NCOA3: variants seen among roughly 807,000 people sequenced by gnomAD.
NCOA3 encodes CBP-interacting protein.
A neutral mutation model predicts 158.8 loss-of-function variants in NCOA3; 51 were observed. The observed-to-expected ratio is 0.32, with a 90% CI of 0.26 to 0.41. The LOEUF is 0.41. Among genes scored for constraint, NCOA3 ranks in the 10% least tolerant of loss-of-function variants. NCOA3 has a pLI of 1.00. For missense variants in NCOA3, 1,510 were observed against 1,746.6 expected, an observed-to-expected ratio of 0.86 and a Z score of 2.41; for synonymous variants, 537 against 592.4, an observed-to-expected ratio of 0.91 and a Z score of 1.36.
In NCOA3 at chr20:47,527,114, A is replaced by G. The variant is rs544420977; in HGVS notation, c.-99+25095A>G. Among the ~76,000 whole-genome samples the G allele has an allele frequency of 9.8e-5, 15 of 152,342 alleles. No homozygotes were observed. The South Asian group carries it at 2.3e-3, about 23-fold the overall frequency. ...TTATGTAGTTTGCTTAGGATTGTAT[A>G]TATAGGTGATCATGTCTGTGAATAA... On this transcript the variant is annotated intron_variant, in intron 1 of 22. Coordinates refer to ENST00000371998, the MANE Select transcript of NCOA3 (RefSeq NM_181659.3).
chr20:47,515,587 C>T (rs1009731231), intron 1 of NCOA3, among the ~76,000 whole-genome samples: 4 of 149,448 alleles, frequency 2.7e-5, no homozygotes, highest in South Asian at 2.1e-4. Flanking sequence ...TGGGTTTAAG[C>T]GATTCTTATG....
At chr20:47,525,624 A>G (rs1261864550) in intron 1 of NCOA3, among the ~76,000 whole-genome samples, 1 of 89,136 alleles carries the variant, frequency 1.1e-5, no homozygotes. Context: ...TGACCCCCCC[A>G]CCTCCCTCCC....
chr20:47,502,469 C>G (rs897434164), intron 1 of NCOA3, among the ~76,000 whole-genome samples: 17 of 152,132 alleles, frequency 1.1e-4, no homozygotes, highest in South Asian at 2.1e-4. Flanking sequence ...CCGCGGGGAC[C>G]CCCCCCACCC....
chr20:47,553,804 G>A (rs1345753029), intron 1 of NCOA3, among the ~76,000 whole-genome samples: 1 of 152,082 alleles, frequency 6.6e-6, no homozygotes, highest in Admixed American at 6.6e-5. Context: ...GTCACTGTTG[G>A]ACATTTGGGT....
intron 1 of NCOA3, among the ~76,000 whole-genome samples, chr20:47,511,550 T>TATATATATATATATATACATATACATAC: frequency 1.9e-5 from 1 of 52,270 alleles, no homozygotes; most frequent in Non-Finnish European, 4.0e-5. Context: ...TATATATATA[T>TATATATATATATATATACATATACATAC]ATATATTTCT....
In NCOA3 at chr20:47,627,569, G is replaced by A. The variant is rs370243185; in HGVS notation, c.541G>A (p.Val181Ile). The change falls in exon 7 of 23, where the codon GTT becomes ATT. Residue 181 changes from valine (V) to isoleucine (I), a missense_variant. Physicochemically the swap from Val to Ile is conservative, Grantham distance 29. Around this residue, in one of 4 missense-constraint regions of NCOA3, gnomAD observed 309 missense variants for 427.1 expected, o/e 0.72. Transcript: ENST00000371998. ...CAATTTGTTTTCCAAAGTTAATGGA[G>A]TTTCCTGGACAAATGAGACCCAAAG... ...KNLPKSTVNG[V>I]SWTNETQRQK... 1.9e-6 allele frequency: 3 copies of A among 1,601,644 alleles called. No homozygotes were observed. In the African/African-American group the frequency reaches 4.0e-5, roughly 22 times the overall value.
intron 11 of NCOA3, 63 bp downstream of exon 11, chr20:47,635,776 C>G (rs2086502968): frequency 1.3e-6 from 2 of 1,501,628 alleles, no homozygotes; most frequent in East Asian, 4.6e-5. Context: ...TTCCATACTA[C>G]TATAATTCTT....
chr20:47,516,175 G>A (rs1602328371), intron 1 of NCOA3, among the ~76,000 whole-genome samples: 1 of 152,274 alleles, frequency 6.6e-6, no homozygotes, highest in African/African-American at 2.4e-5. Context: ...AAACTCTAAT[G>A]TGAACTACAC....
At chr20:47,614,061 G>C (rs2086091099) in intron 2 of NCOA3, among the ~76,000 whole-genome samples, 1 of 103,682 alleles carries the variant, frequency 9.6e-6, no homozygotes. Context: ...TTTTATAACA[G>C]TTCCACGTTA....
At chr20:47,551,303 G>A (rs1442540719) in intron 1 of NCOA3, among the ~76,000 whole-genome samples, 1 of 152,092 alleles carries the variant, frequency 6.6e-6, no homozygotes, top group Non-Finnish European at 1.5e-5. Flanking sequence ...CTTCTGGTAG[G>A]TACTTGAGCA....
At chr20:47,565,568 T>G (rs572148998) in intron 1 of NCOA3, among the ~76,000 whole-genome samples, 12 of 152,062 alleles carry the variant, frequency 7.9e-5, no homozygotes, top group Middle Eastern at 6.8e-3. Flanking sequence ...CCACAAAAAT[T>G]AGCTGGGCAT....
In NCOA3 at chr20:47,637,662, G is replaced by C; in HGVS notation, c.2391G>C (p.Leu797Phe). 1.2e-6 allele frequency: 2 copies of C among 1,604,146 alleles called. No homozygotes were observed. The highest frequency in any genetic ancestry group is 1.7e-6 in the Non-Finnish European group (2 of 1,176,382). The change falls in exon 13 of 23, where the codon TTG becomes TTC. Residue 797 changes from leucine (L) to phenylalanine (F), a missense_variant. Around this residue, in one of 4 missense-constraint regions of NCOA3, gnomAD observed 1,017 missense variants for 1,098.3 expected, o/e 0.93. Transcript: ENST00000371998. ...TTTATTTTCAGGGATCTGGAGACTT[G>C]GATAATCTAGATGCTATTCTTGGTG... Reference protein sequence around the residue: ...TETSEEGSGDLDNLDAILGDL... With the variant: ...TETSEEGSGDFDNLDAILGDL...
chr20:47,527,929 C>A (rs1240742014), intron 1 of NCOA3, among the ~76,000 whole-genome samples: 1 of 152,048 alleles, frequency 6.6e-6, no homozygotes, highest in Non-Finnish European at 1.5e-5. Flanking sequence ...TTCTCCTCCC[C>A]CTTCTGTTTT....
At chr20:47,614,655 T>A (rs2086103011) in intron 2 of NCOA3, among the ~76,000 whole-genome samples, 1 of 152,220 alleles carries the variant, frequency 6.6e-6, no homozygotes, top group Non-Finnish European at 1.5e-5. Context: ...AATACTTGAC[T>A]GACCATTTTA....
At chr20:47,575,601 C>T (rs879584396) in intron 1 of NCOA3, among the ~76,000 whole-genome samples, 9 of 152,184 alleles carry the variant, frequency 5.9e-5, no homozygotes, top group Non-Finnish European at 1.3e-4. Flanking sequence ...TGTATATTTG[C>T]TTACTTTCAC....
chr20:47,645,592 A>T (rs1227796022), intron 17 of NCOA3, among the ~76,000 whole-genome samples: 2 of 151,446 alleles, frequency 1.3e-5, no homozygotes, highest in East Asian at 1.9e-4. Flanking sequence ...TTTTTTTTTT[A>T]AATAAACTGG....
At chr20:47,650,861 A>T in intron 19 of NCOA3, 121 bp from the exon 20 acceptor site, 1 of 924,132 alleles carries the variant, frequency 1.1e-6, no homozygotes, top group Non-Finnish European at 1.7e-6. Flanking sequence ...AGACCCTGTT[A>T]AAAAAAAGAA....
intron 1 of NCOA3, among the ~76,000 whole-genome samples, chr20:47,560,740 T>C (rs1254091596): frequency 6.6e-6 from 1 of 152,214 alleles, no homozygotes; most frequent in Admixed American, 6.5e-5. Context: ...TGTGTTACTA[T>C]TTTGTCATTG....
chr20:47,559,396 G>A (rs558418869), intron 1 of NCOA3, among the ~76,000 whole-genome samples: 2 of 152,234 alleles, frequency 1.3e-5, no homozygotes, highest in Admixed American at 6.5e-5. Context: ...TTGGAGCAGG[G>A]GAGGGAGGTG....
Sources: allele counts gnomAD v4.1 joint callset (sites outside exome capture counted in the v4.1 genomes callset), GRCh38; gene constraint gnomAD v4.1.1; regional missense constraint gnomAD v4.1.1; transcripts MANE v1.5; gene names NCBI Gene and HGNC (gene_info 2026-07-23, HGNC 2026-07-21).